The following CSTPP1 variants were observed in gnomAD, a reference collection of about 807,000 sequenced individuals.
The protein encoded by CSTPP1 is UPF0705 protein C11orf49.
At chr11:47,132,178 T>C in the CSTPP1 span, among the ~76,000 whole-genome samples, 1 of 152,336 alleles carries the variant, frequency 6.6e-6, no homozygotes, top group African/African-American at 2.4e-5. Context: ...TTTCTCCTCA[T>C]ACCCCTGTAA....
the CSTPP1 span, among the ~76,000 whole-genome samples, chr11:46,983,750 G>A: frequency 6.6e-6 from 1 of 152,120 alleles, no homozygotes; most frequent in Non-Finnish European, 1.5e-5. Context: ...GTGTTGGGTG[G>A]TACCCTTAAC....
the CSTPP1 span, among the ~76,000 whole-genome samples, chr11:47,150,888 T>G: frequency 6.9e-6 from 1 of 145,360 alleles, no homozygotes; most frequent in Non-Finnish European, 1.5e-5. Context: ...TGAAGGTTTT[T>G]TTTTTTTTTT....
the CSTPP1 span, among the ~76,000 whole-genome samples, chr11:47,045,250 A>C: frequency 3.9e-5 from 6 of 152,174 alleles, no homozygotes; most frequent in Non-Finnish European, 7.3e-5. Context: ...GTAGATGAAA[A>C]CTGAGAGCAT....
At chr11:47,122,091 A>AAAAAAATATATATAT in the CSTPP1 span, among the ~76,000 whole-genome samples, 6 of 31,826 alleles carry the variant, frequency 1.9e-4, no homozygotes, top group Non-Finnish European at 3.2e-4. Context: ...AAAAAAAAAA[A>AAAAAAATATATATAT]ATATATATAT....
At chr11:47,062,446 A>C in the CSTPP1 span, among the ~76,000 whole-genome samples, 1 of 152,178 alleles carries the variant, frequency 6.6e-6, no homozygotes, top group Admixed American at 6.5e-5. Flanking sequence ...TTGTATAGGA[A>C]CTTCTGATTT....
At chr11:47,097,110 G>C in the CSTPP1 span, among the ~76,000 whole-genome samples, 1 of 134,958 alleles carries the variant, frequency 7.4e-6, no homozygotes, top group Non-Finnish European at 1.6e-5. Flanking sequence ...AGGGGGGTCA[G>C]CCCCCCGCCT....
At chr11:46,965,382 G>A in the CSTPP1 span, among the ~76,000 whole-genome samples, 10 of 151,734 alleles carry the variant, frequency 6.6e-5, no homozygotes, top group East Asian at 1.4e-3. Context: ...GCACCACCAC[G>A]CCCAGCTAAT....
the CSTPP1 span, among the ~76,000 whole-genome samples, chr11:47,162,573 G>A: frequency 6.6e-6 from 1 of 152,126 alleles, no homozygotes; most frequent in Non-Finnish European, 1.5e-5. Context: ...ACCTGCTTGG[G>A]GTTAGAACAG....
At chr11:47,109,314 T>C in the CSTPP1 span, 3 of 152,048 alleles carry the variant, frequency 2.0e-5, no homozygotes, top group Non-Finnish European at 2.9e-5. Flanking sequence ...TCTACCCCTT[T>C]GGCTAGGAAA....
the CSTPP1 span, among the ~76,000 whole-genome samples, chr11:47,019,971 G>A: frequency 6.6e-6 from 1 of 152,072 alleles, no homozygotes; most frequent in African/African-American, 2.4e-5. Flanking sequence ...TGAATACATA[G>A]GCTATATATA....
the CSTPP1 span, among the ~76,000 whole-genome samples, chr11:47,073,140 T>TA: frequency 6.6e-6 from 1 of 152,206 alleles, no homozygotes; most frequent in Non-Finnish European, 1.5e-5. Context: ...ATAGTAAAAA[T>TA]AAAGCTATTT....
chr11:47,132,823 A>G, the CSTPP1 span, among the ~76,000 whole-genome samples: 4 of 152,210 alleles, frequency 2.6e-5, no homozygotes, highest in Non-Finnish European at 5.9e-5. Flanking sequence ...CTAGGGTGGA[A>G]CTTGCAGGAC....
the CSTPP1 span, among the ~76,000 whole-genome samples, chr11:46,977,400 AGACCTGCT>A: frequency 2.0e-5 from 3 of 152,256 alleles, no homozygotes; most frequent in African/African-American, 7.2e-5. Context: ...AGTTTTTAAA[AGACCTGCT>A]GACTCCGCCT....
chr11:46,980,357 C>G, the CSTPP1 span, among the ~76,000 whole-genome samples: 67,023 of 152,016 alleles, frequency 0.44, 15,831 homozygotes, highest in Non-Finnish European at 0.53. Flanking sequence ...TTGAGTTTGA[C>G]TAGCCGTATA....
the CSTPP1 span, among the ~76,000 whole-genome samples, chr11:47,129,772 C>A: frequency 6.6e-6 from 1 of 152,186 alleles, no homozygotes; most frequent in Non-Finnish European, 1.5e-5. Flanking sequence ...TTAGAAATGC[C>A]TGCATTTCTT....
At chr11:47,065,153 A>G in the CSTPP1 span, among the ~76,000 whole-genome samples, 1 of 152,134 alleles carries the variant, frequency 6.6e-6, no homozygotes, top group South Asian at 2.1e-4. Flanking sequence ...GGTTTTTTCT[A>G]TTAAAAAATA....
At chr11:47,143,246 T>A in the CSTPP1 span, among the ~76,000 whole-genome samples, 1 of 152,140 alleles carries the variant, frequency 6.6e-6, no homozygotes, top group Non-Finnish European at 1.5e-5. Context: ...AAGATCAGGG[T>A]CCCAGCTTCC....
chr11:47,130,068 C>A, the CSTPP1 span, among the ~76,000 whole-genome samples: 1 of 152,060 alleles, frequency 6.6e-6, no homozygotes, highest in African/African-American at 2.4e-5. Context: ...ACCATCCTGG[C>A]CAACATGGTG....
At chr11:46,947,270 A>G in the CSTPP1 span, among the ~76,000 whole-genome samples, 1 of 152,180 alleles carries the variant, frequency 6.6e-6, no homozygotes, top group African/African-American at 2.4e-5. Flanking sequence ...TACCCTTGTA[A>G]ACTAATCTCT....
Sources: allele counts gnomAD v4.1 joint callset (sites outside exome capture counted in the v4.1 genomes callset), GRCh38; gene constraint gnomAD v4.1.1; transcripts MANE v1.5; gene names NCBI Gene and HGNC (gene_info 2026-07-23, HGNC 2026-07-21).